The following BANK1 variants were observed in gnomAD, a reference collection of about 807,000 sequenced individuals.
The protein encoded by BANK1 is B cell scaffold protein with ankyrin repeats 1.
Under a neutral mutation model 94.5 loss-of-function variants are expected in BANK1, and 95 were observed. The observed-to-expected ratio is 1.00, with a 90% CI of 0.85 to 1.19. The LOEUF (loss-of-function observed/expected upper bound fraction) is 1.19. Among genes scored for constraint, BANK1 ranks in the 50% most tolerant of loss-of-function variants. BANK1 has a pLI of 0.00. For missense variants in BANK1, 987 were observed against 932.2 expected (o/e 1.06, Z -0.77); for synonymous variants, 334 against 308.4 (o/e 1.08, Z -0.87).
chr4:101,803,386 G>A (rs969482230), intron 1 of BANK1, among the ~76,000 whole-genome samples: 14 of 152,086 alleles, frequency 9.2e-5, no homozygotes, highest in African/African-American at 1.7e-4. Flanking sequence ...GCTGAGTAGT[G>A]GGGCACACAC....
At chr4:101,945,717 C>T (rs904225323) in intron 7 of BANK1, among the ~76,000 whole-genome samples, 25 of 151,920 alleles carry the variant, frequency 1.6e-4, no homozygotes, top group African/African-American at 4.8e-4. Context: ...TTTAGAACCA[C>T]GTCTGGCACA....
chr4:102,041,580 G>T (rs1038278049), intron 10 of BANK1, among the ~76,000 whole-genome samples: 1 of 152,028 alleles, frequency 6.6e-6, no homozygotes, highest in Non-Finnish European at 1.5e-5. Context: ...AATTAAAAGA[G>T]AACTCAGAGG....
intron 7 of BANK1, among the ~76,000 whole-genome samples, chr4:101,934,331 C>T (rs536426041): frequency 2.0e-5 from 3 of 151,238 alleles, no homozygotes; most frequent in South Asian, 4.2e-4. Flanking sequence ...TTACTAGGGG[C>T]GTAGACTGAA....
Position 102,074,343 on chromosome 4 carries a change from T to C in BANK1, c.*344T>C, listed in dbSNP as rs1728854464. 6.6e-6 allele frequency: 1 copy of C among 152,110 alleles called. No homozygotes were observed. Among genetic ancestry groups the C allele is most frequent in the Non-Finnish European group, 1.5e-5 (1 of 67,940 alleles). 9.4% of individuals were successfully genotyped at this position (152,110 alleles called of 1,614,324 possible). ...TGCGGTGTAGCAAAGTTATGGGGTCTGCTTGAGGGCACTAACCTCAACAGA... is the reference window on the plus strand; with the variant it reads ...TGCGGTGTAGCAAAGTTATGGGGTCCGCTTGAGGGCACTAACCTCAACAGA... On this transcript the variant is annotated 3_prime_UTR_variant, in exon 17 of 17. Transcript: ENST00000322953.
chr4:101,993,799 T>C (rs1725787393), intron 7 of BANK1, among the ~76,000 whole-genome samples: 1 of 152,216 alleles, frequency 6.6e-6, no homozygotes, highest in Non-Finnish European at 1.5e-5. Flanking sequence ...GTAAAGCTTT[T>C]GGCTAAATGC....
At position 101,867,195 on chromosome 4, in the gene BANK1, AAG is replaced by A. The variant is rs1728107305; in HGVS notation, c.764-3308_764-3307del. ...AAAATTTAAAAAAAAAAAAAAAAAA[AAG>A]AATTACGTTGAATTTCTCTTCAGAA... On this transcript the variant is annotated intron_variant, in intron 4 of 16. Transcript: ENST00000322953. 3.3e-5 allele frequency among the ~76,000 whole-genome samples: 5 copies of A among 151,478 alleles called. 1 individual carries two copies. Among genetic ancestry groups the A allele is most frequent in the African/African-American group, 9.7e-5 (4 of 41,402 alleles).
chr4:101,848,223 C>T (rs1578354351), intron 2 of BANK1, among the ~76,000 whole-genome samples: 1 of 152,030 alleles, frequency 6.6e-6, no homozygotes, highest in East Asian at 1.9e-4. Context: ...TCTCCTGGGT[C>T]CTGTAGGAGC....
intron 1 of BANK1, among the ~76,000 whole-genome samples, chr4:101,819,221 T>C (rs571956300): frequency 4.9e-4 from 74 of 152,262 alleles, no homozygotes; most frequent in Non-Finnish European, 9.4e-4. Flanking sequence ...TAGAAGATAT[T>C]CCTGAGTATT....
chr4:101,899,691 A>G (rs1399914679), intron 6 of BANK1, among the ~76,000 whole-genome samples: 1 of 152,224 alleles, frequency 6.6e-6, no homozygotes, highest in African/African-American at 2.4e-5. Flanking sequence ...AGTACAAAAC[A>G]GGAAGGAAAG....
intron 7 of BANK1, among the ~76,000 whole-genome samples, chr4:102,000,423 G>T (rs1009405139): frequency 2.6e-5 from 4 of 151,604 alleles, no homozygotes; most frequent in African/African-American, 9.7e-5. Context: ...ACTGTCCTAG[G>T]CAAGCCAAGA....
chr4:101,822,360 GA>G (rs1047750679), intron 1 of BANK1, among the ~76,000 whole-genome samples: 2 of 146,074 alleles, frequency 1.4e-5, no homozygotes, highest in Admixed American at 1.4e-4. Context: ...TGAGACCTCA[GA>G]AAAAAAGAAA....
intron 6 of BANK1, among the ~76,000 whole-genome samples, chr4:101,911,221 T>C (rs1345320668): frequency 3.3e-5 from 5 of 152,136 alleles, no homozygotes; most frequent in South Asian, 2.1e-4. Flanking sequence ...TACACTATAG[T>C]GAGCATGAGC....
intron 11 of BANK1, among the ~76,000 whole-genome samples, chr4:102,056,865 T>G (rs1728242764): frequency 1.3e-5 from 2 of 151,852 alleles, no homozygotes; most frequent in African/African-American, 2.4e-5. Context: ...AACTAGCCAG[T>G]TATGGTGGCG....
intron 11 of BANK1, among the ~76,000 whole-genome samples, chr4:102,056,234 A>G (rs1728224142): frequency 6.6e-6 from 1 of 152,192 alleles, no homozygotes; most frequent in South Asian, 2.1e-4. Context: ...GTATACATCA[A>G]TAGCTTTAAA....
intron 7 of BANK1, among the ~76,000 whole-genome samples, chr4:101,950,227 T>C (rs1724103233): frequency 6.6e-6 from 1 of 152,142 alleles, no homozygotes; most frequent in South Asian, 2.1e-4. Flanking sequence ...ATTATTCTGT[T>C]TCTACTTTCT....
intron 7 of BANK1, among the ~76,000 whole-genome samples, chr4:101,974,640 C>A (rs552088514): frequency 9.2e-5 from 14 of 152,154 alleles, no homozygotes; most frequent in Admixed American, 9.2e-4. Context: ...AACTGTAGCT[C>A]TTGTGTTATG....
intron 7 of BANK1, among the ~76,000 whole-genome samples, chr4:102,015,091 A>G (rs980541185): frequency 3.3e-5 from 5 of 152,066 alleles, no homozygotes; most frequent in East Asian, 3.8e-4. Context: ...GGTAGACATA[A>G]CTATGTGGCT....
intron 6 of BANK1, among the ~76,000 whole-genome samples, chr4:101,895,854 T>C (rs1013409788): frequency 3.9e-5 from 6 of 151,908 alleles, no homozygotes; most frequent in Admixed American, 2.0e-4. Context: ...TTTTGGTGTA[T>C]ACTTAAGTGA....
At chr4:101,860,526 G>A (rs149349146) in intron 3 of BANK1, among the ~76,000 whole-genome samples, 3,930 of 152,094 alleles carry the variant, frequency 0.026, 179 homozygotes, top group African/African-American at 0.091. Context: ...TGCCTCCCGG[G>A]CTCAAGCAAT....
Sources: gnomAD v4.1 joint callset for allele counts (sites outside exome capture counted in the v4.1 genomes callset) on GRCh38, gnomAD v4.1.1 for gene constraint, MANE v1.5 for transcripts, NCBI Gene and HGNC (gene_info 2026-07-23, HGNC 2026-07-21) for gene names.